Variants in MCC observed in about 807,000 individuals in gnomAD.
MCC encodes colorectal mutant cancer protein.
In MCC, 90 loss-of-function variants were observed where a neutral mutation model predicts 116.2. That is an observed-to-expected ratio of 0.77 (90% CI 0.65 to 0.92). The LOEUF is 0.92. MCC is among the 40% of genes least tolerant of loss of function. The pLI is 0.00. For synonymous variants in MCC, 578 were observed against 510.5 expected, an observed-to-expected ratio of 1.13 and a Z score of -1.78; for missense variants, 1,516 against 1,312.2, an observed-to-expected ratio of 1.16 and a Z score of -2.40.
At position 113,023,390 on chromosome 5, in the gene MCC, T is replaced by A. The variant is rs536747746; in HGVS notation, c.*3912A>T. The A allele has an allele frequency of 6.6e-6, 1 of 152,350 alleles. No individual in the cohort carries two copies. Among genetic ancestry groups the A allele is most frequent in the East Asian group, 1.9e-4 (1 of 5,180 alleles). 9.4% of individuals were successfully genotyped at this position (152,350 alleles called of 1,614,324 possible). The stretch of plus-strand genomic sequence containing the variant: ...TGTCAAATAGGCTGTTCCCACTGGA[T>A]AAGAAAATTTGCTGTATGTTTTCCT... On this transcript the variant is annotated 3_prime_UTR_variant, in exon 19 of 19. Coordinates refer to ENST00000408903, the MANE Select transcript of MCC (RefSeq NM_001085377.2).
chr5:113,138,808 T>A (rs1307880023), intron 5 of MCC, among the ~76,000 whole-genome samples: 1 of 152,174 alleles, frequency 6.6e-6, no homozygotes, highest in South Asian at 2.1e-4. Context: ...CTCTCCCTTA[T>A]AAGTACCTGC....
chr5:113,306,288 G>C (rs1428186581), intron 3 of MCC, among the ~76,000 whole-genome samples: 3 of 152,024 alleles, frequency 2.0e-5, no homozygotes, highest in Non-Finnish European at 4.4e-5. Context: ...GGAATTGCTT[G>C]GTAATAGGGC....
At chr5:113,332,610 A>G (rs1215033114) in intron 3 of MCC, among the ~76,000 whole-genome samples, 1 of 151,072 alleles carries the variant, frequency 6.6e-6, no homozygotes, top group Admixed American at 6.6e-5. Flanking sequence ...GTACATATAA[A>G]TCCAGTAGAA....
At chr5:113,384,662 G>A (rs1053673168) in intron 2 of MCC, among the ~76,000 whole-genome samples, 1 of 152,210 alleles carries the variant, frequency 6.6e-6, no homozygotes, top group Non-Finnish European at 1.5e-5. Flanking sequence ...AGCTTCTGAG[G>A]CCTGCTGATG....
At position 113,108,486 on chromosome 5, in the gene MCC, C is replaced by G. The variant is rs150445541; in HGVS notation, c.1028-4131G>C. Among the ~76,000 whole-genome samples the G allele has an allele frequency of 1.0e-3, 151 of 151,736 alleles. 1 individual carries two copies. Among genetic ancestry groups the G allele is most frequent in the African/African-American group, 3.5e-3 (143 of 41,410 alleles). Reference sequence around the variant, plus strand: ...TGACCAACATAGTGAAACCCTGTCTCTACTAAAAATACAAACATTAGCAGG... The same window carrying G: ...TGACCAACATAGTGAAACCCTGTCTGTACTAAAAATACAAACATTAGCAGG... On this transcript the variant is annotated intron_variant, in intron 6 of 18. Transcript: ENST00000408903.
intron 1 of MCC, among the ~76,000 whole-genome samples, chr5:113,453,451 C>T (rs1391661767): frequency 6.6e-6 from 1 of 152,210 alleles, no homozygotes; most frequent in Non-Finnish European, 1.5e-5. Context: ...AGTGTCACAG[C>T]CTAGGCTGCT....
intron 3 of MCC, among the ~76,000 whole-genome samples, chr5:113,227,554 T>C (rs1489483834): frequency 6.6e-6 from 1 of 152,230 alleles, no homozygotes; most frequent in Non-Finnish European, 1.5e-5. Flanking sequence ...TTCATGTAAC[T>C]AATATTTGTA....
chr5:113,114,920 G>C (rs2150264546), intron 6 of MCC, among the ~76,000 whole-genome samples: 1 of 151,294 alleles, frequency 6.6e-6, no homozygotes, highest in East Asian at 1.9e-4. Flanking sequence ...GGGTGCCATG[G>C]GCGCAGATGC....
intron 1 of MCC, among the ~76,000 whole-genome samples, chr5:113,387,597 A>G (rs76293448): frequency 4.6e-5 from 7 of 152,358 alleles, no homozygotes; most frequent in Non-Finnish European, 1.0e-4. Context: ...CTAGAAGTTC[A>G]TGTAATGTTA....
chr5:113,413,166 G>A (rs912738768), intron 1 of MCC, among the ~76,000 whole-genome samples: 10 of 152,036 alleles, frequency 6.6e-5, no homozygotes, highest in Admixed American at 2.0e-4. Flanking sequence ...TGCTGGATTC[G>A]GTTTGCCAGT....
chr5:113,434,676 T>C lies in MCC; in HGVS notation c.171-49464A>G. ...AATCTCAATTTCCCGGGGAAGGAATTTCTCCAAGAAGTCTGCGGGGGCCTT... is the reference window on the plus strand; with the variant it reads ...AATCTCAATTTCCCGGGGAAGGAATCTCTCCAAGAAGTCTGCGGGGGCCTT... On this transcript the variant is annotated intron_variant, in intron 1 of 18. Coordinates refer to ENST00000408903, the MANE Select transcript of MCC (RefSeq NM_001085377.2). This position sits in a 1 kb window ranked among gnomAD's most constrained non-coding sequence, Gnocchi z 4.2. 6.2e-7 allele frequency: 1 copy of C among 1,613,974 alleles called. No homozygotes were observed. The highest frequency in any genetic ancestry group is 8.5e-7 in the Non-Finnish European group (1 of 1,179,906).
intron 17 of MCC, among the ~76,000 whole-genome samples, chr5:113,041,970 C>A (rs912969917): frequency 6.6e-6 from 1 of 152,134 alleles, no homozygotes; most frequent in South Asian, 2.1e-4. Context: ...GCACTCCAGC[C>A]TGGGCGACAG....
intron 1 of MCC, among the ~76,000 whole-genome samples, chr5:113,479,268 A>G (rs72792189): frequency 0.13 from 19,236 of 152,250 alleles, 1,449 homozygotes; most frequent in Non-Finnish European, 0.18. Context: ...TAAAAGACAA[A>G]TCTAATCTGC....
chr5:113,034,315 T>C (rs1448386771), intron 17 of MCC, among the ~76,000 whole-genome samples: 3 of 152,216 alleles, frequency 2.0e-5, no homozygotes, highest in African/African-American at 7.2e-5. Flanking sequence ...CCAAGGTGGC[T>C]TGCCAGTACG....
intron 3 of MCC, among the ~76,000 whole-genome samples, chr5:113,293,325 C>G (rs1258475277): frequency 6.6e-6 from 1 of 152,118 alleles, no homozygotes; most frequent in African/African-American, 2.4e-5. Flanking sequence ...TGCCTTCCGG[C>G]TGCTTTTACA....
intron 3 of MCC, chr5:113,204,395 ACT>A (rs1328580349): frequency 3.3e-5 from 5 of 152,268 alleles, no homozygotes; most frequent in African/African-American, 1.2e-4. Context: ...GTTAAAATTC[ACT>A]CTCTTTCCCT....
At chr5:113,236,889 CTT>C (rs1003692037) in intron 3 of MCC, among the ~76,000 whole-genome samples, 1 of 152,150 alleles carries the variant, frequency 6.6e-6, no homozygotes, top group Non-Finnish European at 1.5e-5. Context: ...CATTCCCACT[CTT>C]TTCTTCCTCG....
At chr5:113,179,566 T>C (rs1395990979) in intron 3 of MCC, among the ~76,000 whole-genome samples, 1 of 152,244 alleles carries the variant, frequency 6.6e-6, no homozygotes, top group African/African-American at 2.4e-5. Flanking sequence ...AGTAGAATTT[T>C]ATTAAACTAA....
chr5:113,356,007 C>CATCAT (rs1768401434), intron 2 of MCC, among the ~76,000 whole-genome samples: 1 of 151,802 alleles, frequency 6.6e-6, no homozygotes, highest in African/African-American at 2.4e-5. Flanking sequence ...CAAAGGAGGC[C>CATCAT]ATCATATCTG....
Sources: gnomAD v4.1 joint callset for allele counts (sites outside exome capture counted in the v4.1 genomes callset) on GRCh38, gnomAD v4.1.1 for gene constraint, Gnocchi (gnomAD v3.1) non-coding constraint, MANE v1.5 for transcripts, NCBI Gene and HGNC (gene_info 2026-07-23, HGNC 2026-07-21) for gene names.